Variants in PHACTR1 observed in about 807,000 individuals in gnomAD.
PHACTR1 encodes the protein RPEL repeat containing 1.
A neutral mutation model predicts 69.2 loss-of-function variants in PHACTR1; 16 were observed. The observed-to-expected ratio is 0.23, with a 90% CI of 0.16 to 0.35. PHACTR1 has a LOEUF of 0.35. Ranked by LOEUF, PHACTR1 falls within the 10% of genes least tolerant of loss-of-function variation. The pLI is 1.00. For synonymous variants in PHACTR1, 312 were observed against 284.5 expected (o/e 1.10, Z -0.97); for missense variants, 510 against 734.7 (o/e 0.69, Z 3.54).
At chr6:13,136,891 A>G (rs1392605638) in intron 5 of PHACTR1, among the ~76,000 whole-genome samples, 1 of 152,228 alleles carries the variant, frequency 6.6e-6, no homozygotes, top group Non-Finnish European at 1.5e-5. Flanking sequence ...CAAAACGATT[A>G]CAATAGTAAC....
intron 4 of PHACTR1, among the ~76,000 whole-genome samples, chr6:12,793,747 G>A (rs577448406): frequency 6.6e-6 from 1 of 152,126 alleles, no homozygotes; most frequent in Non-Finnish European, 1.5e-5. Context: ...TAAATATATG[G>A]TCTGAATCAG....
At chr6:12,902,103 C>T (rs187768937) in intron 4 of PHACTR1, among the ~76,000 whole-genome samples, 1 of 152,238 alleles carries the variant, frequency 6.6e-6, no homozygotes, top group East Asian at 1.9e-4. Context: ...TGATCCAGCC[C>T]TCAAGGTCAG....
intron 3 of PHACTR1, among the ~76,000 whole-genome samples, chr6:12,727,861 C>T (rs1452661508): frequency 2.0e-5 from 3 of 152,194 alleles, no homozygotes; most frequent in Non-Finnish European, 4.4e-5. Flanking sequence ...AGCAGTTGGA[C>T]ATACACACTT....
At chr6:12,768,174 G>A (rs1277021840) in intron 4 of PHACTR1, among the ~76,000 whole-genome samples, 1 of 148,108 alleles carries the variant, frequency 6.8e-6, no homozygotes, top group Non-Finnish European at 1.5e-5. Context: ...GAGTGCAGTG[G>A]CGCGATCTCG....
chr6:13,230,327 G>C, intron 10 of PHACTR1, 134 bp downstream of exon 10: 1 of 1,500,960 alleles, frequency 6.7e-7, no homozygotes, highest in Non-Finnish European at 8.9e-7. Context: ...CGAGGCAGGT[G>C]GATCACATGA....
intron 5 of PHACTR1, among the ~76,000 whole-genome samples, chr6:13,131,192 CAT>C (rs56106825): frequency 0.59 from 79,461 of 133,626 alleles, 21,729 homozygotes; most frequent in East Asian, 0.75. Context: ...CACACACACA[CAT>C]ATATATATAC....
Position 13,163,628 on chromosome 6 carries a change from T to C in PHACTR1, c.496+3344T>C, listed in dbSNP as rs566187881. ...GGGATTTTCTGATAAAAGCACTCAT[T>C]TTGTATCTCTGTGGATATTAATCTC... On this transcript the variant is annotated intron_variant, in intron 6 of 14. Transcript: ENST00000332995. Among the ~76,000 whole-genome samples the C allele has an allele frequency of 3.1e-4, 47 of 152,318 alleles. No individual in the cohort carries two copies. The South Asian group carries it at 9.5e-3, about 31-fold the overall frequency.
At chr6:13,135,509 A>G (rs1821410738) in intron 5 of PHACTR1, among the ~76,000 whole-genome samples, 1 of 152,234 alleles carries the variant, frequency 6.6e-6, no homozygotes, top group Admixed American at 6.5e-5. Context: ...TATTACAGCG[A>G]TTTATTACAC....
rs1489159352 is a variant in PHACTR1 at position 13,051,261 on chromosome 6, G to A, written c.251-2104G>A. On this transcript the variant is annotated intron_variant, in intron 4 of 14. Coordinates refer to ENST00000332995, the MANE Select transcript of PHACTR1 (RefSeq NM_030948.6). ...TCTGCCCTTCACCCTACCTCTGCATGTGAGCTCTATGAGTTGGTATTTTTA... is the reference window on the plus strand; with the variant it reads ...TCTGCCCTTCACCCTACCTCTGCATATGAGCTCTATGAGTTGGTATTTTTA... Among the ~76,000 whole-genome samples the A allele has an allele frequency of 2.6e-5, 4 of 152,120 alleles. No homozygotes were observed. In the East Asian group the frequency reaches 7.7e-4, roughly 29 times the overall value.
intron 4 of PHACTR1, among the ~76,000 whole-genome samples, chr6:12,850,924 C>T (rs1779762738): frequency 6.6e-6 from 1 of 152,130 alleles, no homozygotes; most frequent in Non-Finnish European, 1.5e-5. Flanking sequence ...ACCCTGTTTC[C>T]AAATAAGATC....
intron 4 of PHACTR1, among the ~76,000 whole-genome samples, chr6:13,038,333 C>G (rs905845440): frequency 6.6e-6 from 1 of 151,874 alleles, no homozygotes; most frequent in African/African-American, 2.4e-5. Context: ...TAGTTAGAGC[C>G]ATAGGTACAA....
chr6:13,164,130 C>T (rs780301866), intron 6 of PHACTR1, among the ~76,000 whole-genome samples: 1 of 151,608 alleles, frequency 6.6e-6, no homozygotes, highest in Non-Finnish European at 1.5e-5. Context: ...TCTTCTGTAT[C>T]CGAATTCGGT....
At chr6:13,071,820 C>A (rs191936002) in intron 5 of PHACTR1, among the ~76,000 whole-genome samples, 1 of 152,130 alleles carries the variant, frequency 6.6e-6, no homozygotes, top group South Asian at 2.1e-4. Flanking sequence ...CACTGCATGT[C>A]GTTGTGGGGA....
At chr6:12,843,471 G>A (rs925335034) in intron 4 of PHACTR1, among the ~76,000 whole-genome samples, 1 of 152,182 alleles carries the variant, frequency 6.6e-6, no homozygotes, top group Non-Finnish European at 1.5e-5. Context: ...ACGTGTGTGT[G>A]TATAGACAGA....
rs35797103 is a variant in PHACTR1 at position 12,858,807 on chromosome 6, T to TAC, written c.250+109036_250+109037dup. Among the ~76,000 whole-genome samples, 1,230 of 149,592 alleles carry TAC rather than the reference T, an allele frequency of 8.2e-3. 20 individuals are homozygous for TAC. The highest frequency in any genetic ancestry group is 0.027 in the African/African-American group (1,095 of 40,634). ...TTAAAAAAAAGAGCCAACACATACA[T>TAC]ACACACACACACACACACACCACAC... On this transcript the variant is annotated intron_variant, in intron 4 of 14. Coordinates refer to ENST00000332995, the MANE Select transcript of PHACTR1 (RefSeq NM_030948.6).
At chr6:12,927,853 A>G (rs956979280) in intron 4 of PHACTR1, among the ~76,000 whole-genome samples, 1 of 152,238 alleles carries the variant, frequency 6.6e-6, no homozygotes, top group African/African-American at 2.4e-5. Context: ...GGGCGAGCTC[A>G]GCCCCTGCTG....
intron 10 of PHACTR1, among the ~76,000 whole-genome samples, chr6:13,252,615 T>TAA (rs200936005): frequency 2.0e-3 from 289 of 145,906 alleles, no homozygotes; most frequent in African/African-American, 6.5e-3. Context: ...CTGCTGTTAT[T>TAA]AAAAAAAAAA....
chr6:12,909,195 A>C (rs1487025822), intron 4 of PHACTR1, among the ~76,000 whole-genome samples: 1 of 152,190 alleles, frequency 6.6e-6, no homozygotes, highest in Non-Finnish European at 1.5e-5. Context: ...CAGTCATTTC[A>C]TGTCATACTC....
chr6:12,893,494 C>A (rs1054796341), intron 4 of PHACTR1, among the ~76,000 whole-genome samples: 19 of 151,984 alleles, frequency 1.3e-4, no homozygotes, highest in African/African-American at 4.6e-4. Flanking sequence ...GCAAGATGAC[C>A]CTGTGAATCC....
Sources: allele counts gnomAD v4.1 joint callset (sites outside exome capture counted in the v4.1 genomes callset), GRCh38; gene constraint gnomAD v4.1.1; transcripts MANE v1.5; gene names NCBI Gene and HGNC (gene_info 2026-07-23, HGNC 2026-07-21).